The following WDR20 variants were observed in gnomAD, a reference collection of about 807,000 sequenced individuals.
The protein encoded by WDR20 is WD repeat-containing protein 20.
WDR20 carries 3 observed loss-of-function variants against 38.7 expected under a neutral mutation model. The ratio of observed to expected loss-of-function variants is 0.08; its 90% CI spans 0.04 to 0.20. The LOEUF (loss-of-function observed/expected upper bound fraction) is 0.20. WDR20 is among the 10% of genes least tolerant of loss of function. The pLI is 1.00. For synonymous variants in WDR20, 298 were observed against 285.6 expected (o/e 1.04, Z -0.44); for missense variants, 559 against 727.7 (o/e 0.77, Z 2.67).
downstream of WDR20, among the ~76,000 whole-genome samples, chr14:102,215,837 T>C (rs1435998831): frequency 6.6e-6 from 1 of 152,200 alleles, no homozygotes; most frequent in Non-Finnish European, 1.5e-5. Flanking sequence ...ATTTACATTG[T>C]CTTACTATGA....
At chr14:102,143,546 ATCT>A (rs2052293553) in intron 1 of WDR20, among the ~76,000 whole-genome samples, 1 of 149,710 alleles carries the variant, frequency 6.7e-6, no homozygotes, top group Non-Finnish European at 1.5e-5. Context: ...GCTTTTAAAC[ATCT>A]TTTTTTTTTT....
chr14:102,151,926 TTTG>T (rs1425516285), intron 1 of WDR20, among the ~76,000 whole-genome samples: 2 of 151,064 alleles, frequency 1.3e-5, no homozygotes, highest in Non-Finnish European at 3.0e-5. Flanking sequence ...TTTTACTTTT[TTTG>T]TTTTTGGACA....
downstream of WDR20, among the ~76,000 whole-genome samples, chr14:102,219,022 G>A (rs113324359): frequency 5.9e-5 from 9 of 152,316 alleles, no homozygotes; most frequent in East Asian, 9.6e-4. Flanking sequence ...AAGAGCAGGC[G>A]GATTGGGGCA....
intron 1 of WDR20, among the ~76,000 whole-genome samples, chr14:102,147,629 T>G (rs1256351294): frequency 6.6e-6 from 1 of 152,230 alleles, no homozygotes; most frequent in Non-Finnish European, 1.5e-5. Flanking sequence ...GGTAAAGTGC[T>G]TTGATGGCAA....
chr14:102,208,985 C>T lies in WDR20; in HGVS notation c.815C>T (p.Pro272Leu), dbSNP rs775586258. 33 of 1,614,000 alleles carry T rather than the reference C, an allele frequency of 2.0e-5. No individual in the cohort carries two copies. The East Asian group carries it at 3.6e-4, about 17-fold the overall frequency. ...GGCTTGCTGTGTGTGTGCTGGAGCC[C>T]GGATGGCAAGTACATCGTGACAGGT... is the stretch of plus-strand genomic sequence containing the variant. Reference protein sequence around the residue: ...FGGLLCVCWSPDGKYIVTGGE... With the variant: ...FGGLLCVCWSLDGKYIVTGGE... Residue 272 changes from proline to leucine, a missense_variant, in exon 3 of 3, where the codon CCG becomes CTG. Transcript: ENST00000342702. The surrounding 1 kb of genome is among the most constrained non-coding windows in gnomAD (Gnocchi z 5.6).
chr14:102,152,414 GTCTC>G (rs1385399206), intron 1 of WDR20, among the ~76,000 whole-genome samples: 2 of 116,994 alleles, frequency 1.7e-5, no homozygotes, highest in Non-Finnish European at 3.8e-5. Context: ...ATTATGCAGG[GTCTC>G]TCTTTTTTTT....
rs762866194 is a variant in WDR20, at chr14:102,210,213, G to A, written c.*333G>A. On this transcript the variant is annotated 3_prime_UTR_variant, in exon 3 of 3. Coordinates refer to ENST00000342702, the MANE Select transcript of WDR20 (RefSeq NM_144574.4). Reference sequence around the variant, plus strand: ...GGGGAAACAATGACTTTAAAATGCTGAAATTAAAATTTATGCTTTAACTGG... The same window carrying A: ...GGGGAAACAATGACTTTAAAATGCTAAAATTAAAATTTATGCTTTAACTGG... The A allele has an allele frequency of 6.1e-5, 63 of 1,034,406 alleles. No homozygotes were observed. Among genetic ancestry groups the A allele is most frequent in the Non-Finnish European group, 7.0e-5 (60 of 861,498 alleles). The allele number at this position is 1,034,406 out of a possible 1,614,324, so 64.1% of individuals were successfully genotyped here.
chr14:102,157,346 T>C (rs1390048512), intron 1 of WDR20: 1 of 152,194 alleles, frequency 6.6e-6, no homozygotes, highest in Non-Finnish European at 1.5e-5. Flanking sequence ...ACTTCTTTAG[T>C]ATCTCATGTG....
chr14:102,152,198 G>A (rs911472957), intron 1 of WDR20, among the ~76,000 whole-genome samples: 1 of 152,088 alleles, frequency 6.6e-6, no homozygotes, highest in Non-Finnish European at 1.5e-5. Context: ...TTATAGGTGT[G>A]AGCCACTGAA....
At chr14:102,144,882 A>G (rs1451274017) in intron 1 of WDR20, among the ~76,000 whole-genome samples, 2 of 152,060 alleles carry the variant, frequency 1.3e-5, no homozygotes, top group African/African-American at 4.8e-5. Context: ...GTATTTTAAT[A>G]GAGACGGGGT....
chr14:102,191,677 C>G (rs73347429), intron 1 of WDR20, among the ~76,000 whole-genome samples: 2,949 of 152,240 alleles, frequency 0.019, 88 homozygotes, highest in African/African-American at 0.068. Context: ...CTTGGTAATT[C>G]TTACTTGGTA....
intron 1 of WDR20, among the ~76,000 whole-genome samples, chr14:102,183,879 ACT>A (rs1413518572): frequency 6.6e-6 from 1 of 152,126 alleles, no homozygotes; most frequent in Admixed American, 6.6e-5. Flanking sequence ...CACAGGAATT[ACT>A]CTCTGCTCTA....
chr14:102,213,144 C>G, downstream of WDR20: 1 of 986,060 alleles, frequency 1.0e-6, no homozygotes, highest in Non-Finnish European at 1.2e-6. Context: ...ATTCAAGAAG[C>G]CAGATTTGTG....
chr14:102,189,257 G>A (rs1259865392), intron 1 of WDR20, among the ~76,000 whole-genome samples: 1 of 152,088 alleles, frequency 6.6e-6, no homozygotes, highest in Non-Finnish European at 1.5e-5. Flanking sequence ...AAGGAAAAGA[G>A]AAGTATTACA....
At chr14:102,160,193 T>C (rs1248308590) in intron 1 of WDR20, among the ~76,000 whole-genome samples, 1 of 152,196 alleles carries the variant, frequency 6.6e-6, no homozygotes, top group East Asian at 1.9e-4. Flanking sequence ...TAGTAATTTA[T>C]TGAGTTGTAC....
At chr14:102,149,753 G>A (rs555089617) in intron 1 of WDR20, among the ~76,000 whole-genome samples, 1 of 152,174 alleles carries the variant, frequency 6.6e-6, no homozygotes, top group Non-Finnish European at 1.5e-5. Context: ...GAGTGCAGTG[G>A]CTCGATCTCA....
downstream of WDR20, among the ~76,000 whole-genome samples, chr14:102,217,445 C>A (rs182996837): frequency 2.8e-4 from 42 of 152,324 alleles, no homozygotes; most frequent in Non-Finnish European, 4.4e-5. Context: ...TCATTAGATG[C>A]CAGGTTGAGT....
intron 1 of WDR20, chr14:102,179,060 T>C (rs540091807): frequency 7.2e-5 from 11 of 152,262 alleles, no homozygotes; most frequent in African/African-American, 2.6e-4. Flanking sequence ...GCTTTTCATG[T>C]AAACTCTTGC....
In WDR20 at chr14:102,208,569, C is replaced by T. The variant is rs574097588; in HGVS notation, c.433-34C>T. 8 of 1,558,374 alleles carry T rather than the reference C, an allele frequency of 5.1e-6. No individual in the cohort carries two copies. Among genetic ancestry groups the T allele is most frequent in the East Asian group, 2.3e-5 (1 of 44,216 alleles). ...GAAAAGTAGACCTTTGAGACTTCTCCGTTGTGCTAACTTGTTCTCCTTTGT... is the reference window on the plus strand; with the variant it reads ...GAAAAGTAGACCTTTGAGACTTCTCTGTTGTGCTAACTTGTTCTCCTTTGT... On this transcript the variant is annotated intron_variant, in intron 2 of 2. Coordinates refer to ENST00000342702, the MANE Select transcript of WDR20 (RefSeq NM_144574.4). This position sits in a 1 kb window ranked among gnomAD's most constrained non-coding sequence, Gnocchi z 5.6.
Sources: allele counts gnomAD v4.1 joint callset (sites outside exome capture counted in the v4.1 genomes callset), GRCh38; gene constraint gnomAD v4.1.1; non-coding constraint Gnocchi (gnomAD v3.1); transcripts MANE v1.5; gene names NCBI Gene and HGNC (gene_info 2026-07-23, HGNC 2026-07-21).